The following ADGRD1 variants were observed in gnomAD, a reference collection of about 807,000 sequenced individuals.
ADGRD1 encodes adhesion G protein-coupled receptor D1, also known as G-protein coupled receptor 133.
Under a neutral mutation model 113.4 loss-of-function variants are expected in ADGRD1, and 77 were observed. The ratio of observed to expected loss-of-function variants is 0.68; its 90% confidence interval spans 0.57 to 0.82. The LOEUF is 0.82. Ranked by LOEUF, ADGRD1 falls within the 40% of genes least tolerant of loss-of-function variation. The probability of loss-of-function intolerance (pLI) is 0.00; values close to 1 mark genes in which losing one functional copy is unlikely to be tolerated. For missense variants in ADGRD1, 1,036 were observed against 1,139.1 expected (o/e 0.91, Z 1.30); for synonymous variants, 474 against 475.0 (o/e 1.00, Z 0.03).
At chr12:131,019,542 G>T (rs987751962) in intron 13 of ADGRD1, among the ~76,000 whole-genome samples, 4 of 152,230 alleles carry the variant, frequency 2.6e-5, no homozygotes, top group Non-Finnish European at 5.9e-5. Context: ...CCTTAGAAGG[G>T]AGCAAGGAAT....
chr12:131,004,575 G>A (rs1429851501), intron 11 of ADGRD1, among the ~76,000 whole-genome samples: 1 of 138,530 alleles, frequency 7.2e-6, no homozygotes, highest in Non-Finnish European at 1.6e-5. Context: ...TGGAATTTGG[G>A]GTGGGGTCTG....
At chr12:131,101,377 C>CTTTTTTTTTTTTTTTTTT (rs71095334) in intron 15 of ADGRD1, among the ~76,000 whole-genome samples, 5 of 36,132 alleles carry the variant, frequency 1.4e-4, no homozygotes, top group African/African-American at 2.8e-4. Flanking sequence ...TTCTTTCTTT[C>CTTTTTTTTTTTTTTTTTT]TTTTTTTTTT....
At chr12:130,996,348 G>C (rs1875347140) in intron 8 of ADGRD1, among the ~76,000 whole-genome samples, 2 of 134,056 alleles carry the variant, frequency 1.5e-5, no homozygotes, top group Admixed American at 1.4e-4. Flanking sequence ...TCCCAGTAGG[G>C]GCGGCCGGGC....
At chr12:130,967,370 T>C (rs1593267515) in intron 3 of ADGRD1, 1 of 174,026 alleles carries the variant, frequency 5.7e-6, no homozygotes, top group East Asian at 1.3e-4. Context: ...GGTATTTTTT[T>C]CCCCTTTCTA....
chr12:131,087,541 G>T (rs1886566448), intron 15 of ADGRD1, among the ~76,000 whole-genome samples: 1 of 152,242 alleles, frequency 6.6e-6, no homozygotes. Context: ...GGGTTTTAGA[G>T]GTTCCGAAGG....
rs759103473 is a variant in ADGRD1 at position 130,992,702 on chromosome 12, A to G, written c.966+310A>G. Among the ~76,000 whole-genome samples the G allele has an allele frequency of 1.3e-3, 203 of 152,076 alleles. 1 individual carries two copies. The highest frequency in any genetic ancestry group is 3.4e-3 in the Middle Eastern group (1 of 294). On this transcript the variant is annotated intron_variant, in intron 8 of 24. Coordinates refer to ENST00000261654, the MANE Select transcript of ADGRD1 (RefSeq NM_198827.5). Reference sequence around the variant, plus strand: ...GGTTGGCAACTCCTAGACTAAATAAACTCTGCTGCCTCCTGGCAACAGGTA... The same window carrying G: ...GGTTGGCAACTCCTAGACTAAATAAGCTCTGCTGCCTCCTGGCAACAGGTA...
chr12:131,100,046 G>A (rs1950034052), intron 15 of ADGRD1, among the ~76,000 whole-genome samples: 1 of 152,148 alleles, frequency 6.6e-6, no homozygotes, highest in African/African-American at 2.4e-5. Flanking sequence ...AGGATTGGCT[G>A]AAGATAAAGT....
intron 20 of ADGRD1, among the ~76,000 whole-genome samples, chr12:131,126,402 C>A (rs1182156963): frequency 6.6e-6 from 1 of 152,216 alleles, no homozygotes; most frequent in Non-Finnish European, 1.5e-5. Context: ...TGTAATAAAT[C>A]TCTGTTCTTT....
intron 13 of ADGRD1, chr12:131,026,391 G>GTCAGCCCTTTGCCACTGACA (rs1879956658): frequency 6.6e-6 from 1 of 152,122 alleles, no homozygotes; most frequent in African/African-American, 2.4e-5. Context: ...TGCCACTGAC[G>GTCAGCCCTTTGCCACTGACA]TCAGCAATCG....
intron 14 of ADGRD1, among the ~76,000 whole-genome samples, chr12:131,083,223 G>T (rs545464557): frequency 2.0e-5 from 3 of 152,150 alleles, no homozygotes; most frequent in African/African-American, 7.2e-5. Context: ...ATTGCCTTTG[G>T]CTGAAGTAAG....
rs1014085653 is a variant in ADGRD1 at position 131,022,455 on chromosome 12, C to A, written c.1473+8115C>A. Among the ~76,000 whole-genome samples, 8 of 152,144 alleles carry A rather than the reference C, an allele frequency of 5.3e-5. No homozygotes were observed. Among genetic ancestry groups the A allele is most frequent in the African/African-American group, 1.9e-4 (8 of 41,424 alleles). On this transcript the variant is annotated intron_variant, in intron 13 of 24. Transcript: ENST00000261654. The surrounding 1 kb of genome is among the most constrained non-coding windows in gnomAD (Gnocchi z 4.6). ...CTTTCTATTTCCACCATTCCTTCTG[C>A]ATTTATTAATTGGAATTCTGTGATA...
At chr12:130,994,189 G>A (rs1453055550) in intron 8 of ADGRD1, 2 of 419,708 alleles carry the variant, frequency 4.8e-6, no homozygotes, top group East Asian at 7.3e-5. Context: ...GGAAAGAGCG[G>A]GTATAGACAA....
rs1026494727 is a variant in ADGRD1, at chr12:131,014,235, G to C, written c.1368G>C (p.Leu456=). The change falls in exon 13 of 25, where the codon CTG becomes CTC. Residue 456 remains leucine, a synonymous_variant. Transcript: ENST00000261654. The stretch of plus-strand genomic sequence containing the variant: ...CCATGCATCACCAGGACTGCCTGCT[G>C]TTCGCCACCAGCCACCTGATTTCCC... The part of the protein sequence containing the change: ...AEAMHHQDCL[L]FATSHLISLE... 1.6e-5 allele frequency: 26 copies of C among 1,614,052 alleles called. No homozygotes were observed. Among genetic ancestry groups the C allele is most frequent in the Non-Finnish European group, 2.1e-5 (25 of 1,180,026 alleles).
intron 15 of ADGRD1, among the ~76,000 whole-genome samples, chr12:131,093,125 A>G (rs889841212): frequency 1.3e-5 from 2 of 151,990 alleles, no homozygotes; most frequent in African/African-American, 4.8e-5. Flanking sequence ...TCTTGGTGGG[A>G]AAGTGACATA....
chr12:131,107,790 A>G (rs1033484369), intron 17 of ADGRD1, among the ~76,000 whole-genome samples: 3 of 152,366 alleles, frequency 2.0e-5, no homozygotes, highest in South Asian at 2.1e-4. Context: ...ATAACAGATC[A>G]TGATGACAAG....
Position 130,963,136 on chromosome 12 carries a change from C to G in ADGRD1, c.104-3327C>G, listed in dbSNP as rs187937714. 3.9e-5 allele frequency: 6 copies of G among 152,076 alleles called. No homozygotes were observed. In the East Asian group the frequency reaches 9.7e-4, roughly 25 times the overall value. 9.4% of individuals were successfully genotyped at this position (152,076 alleles called of 1,614,324 possible). On this transcript the variant is annotated intron_variant, in intron 2 of 24. Coordinates refer to ENST00000261654, the MANE Select transcript of ADGRD1 (RefSeq NM_198827.5). The stretch of plus-strand genomic sequence containing the variant: ...GAGATCGAAACCATGCTGGCTAACA[C>G]AGTGAAACCCCATCTCTACTACAAA...
At chr12:131,121,141 G>A (rs1262996002) in intron 20 of ADGRD1, among the ~76,000 whole-genome samples, 2 of 152,202 alleles carry the variant, frequency 1.3e-5, no homozygotes, top group African/African-American at 4.8e-5. Flanking sequence ...GAGGCCCCAG[G>A]GCTCTTCCAG....
chr12:130,997,375 C>T (rs1277489575), intron 8 of ADGRD1, among the ~76,000 whole-genome samples: 1 of 114,138 alleles, frequency 8.8e-6, no homozygotes, highest in Non-Finnish European at 1.9e-5. Flanking sequence ...GACGGGGTGG[C>T]TGCCGGGCGG....
At chr12:131,062,982 G>A (rs1318986883) in intron 13 of ADGRD1, among the ~76,000 whole-genome samples, 1 of 152,142 alleles carries the variant, frequency 6.6e-6, no homozygotes, top group African/African-American at 2.4e-5. Context: ...CCAATGATGA[G>A]TGATGTTGAA....
Sources: allele counts gnomAD v4.1 joint callset (sites outside exome capture counted in the v4.1 genomes callset), GRCh38; gene constraint gnomAD v4.1.1; non-coding constraint Gnocchi (gnomAD v3.1); transcripts MANE v1.5; gene names NCBI Gene and HGNC (gene_info 2026-07-23, HGNC 2026-07-21).